VDAC2: variants seen among roughly 807,000 people sequenced by gnomAD.
VDAC2 encodes the protein voltage dependent anion channel 2.
VDAC2 carries 6 observed loss-of-function variants against 36.6 expected under a neutral mutation model. The observed-to-expected ratio is 0.16, with a 90% CI of 0.09 to 0.32. The LOEUF (loss-of-function observed/expected upper bound fraction) is 0.32. VDAC2 is among the 10% of genes least tolerant of loss of function. VDAC2 has a pLI of 1.00. For synonymous variants in VDAC2, 109 were observed against 123.8 expected (o/e 0.88, Z 0.79); for missense variants, 247 against 346.0 (o/e 0.71, Z 2.27).
In VDAC2 at chr10:75,212,050, TC is replaced by T. The variant is rs545484977; in HGVS notation, c.32-179del. Among the ~76,000 whole-genome samples the T allele has an allele frequency of 2.0e-4, 30 of 152,354 alleles. 1 individual carries two copies. The East Asian group carries it at 5.8e-3, about 29-fold the overall frequency. ...CATGGTTATCTGTTTTAGAAATAAT[TC>T]GTTGGTGGTATCTCCTTTATGGGTC... is the stretch of plus-strand genomic sequence containing the variant. On this transcript the variant is annotated intron_variant, in intron 2 of 9. Coordinates refer to ENST00000332211, the MANE Select transcript of VDAC2 (RefSeq NM_001391963.1).
At chr10:75,228,864 T>A (rs891952920) in intron 8 of VDAC2, among the ~76,000 whole-genome samples, 2 of 152,212 alleles carry the variant, frequency 1.3e-5, no homozygotes, top group African/African-American at 4.8e-5. Flanking sequence ...TGGTGTGTCT[T>A]CATAATGTTA....
intron 6 of VDAC2, among the ~76,000 whole-genome samples, chr10:75,219,932 A>G (rs1841753875): frequency 6.8e-6 from 1 of 147,808 alleles, no homozygotes; most frequent in African/African-American, 2.5e-5. Context: ...GGTTTAAGTG[A>G]TTCTCCTGCC....
chr10:75,222,732 GCT>G (rs1841850830), intron 8 of VDAC2, among the ~76,000 whole-genome samples: 2 of 151,468 alleles, frequency 1.3e-5, no homozygotes, highest in African/African-American at 4.9e-5. Context: ...CTTTTTTAAG[GCT>G]CTCTGTTGTC....
chr10:75,231,142 C>G lies in VDAC2; in HGVS notation c.*153C>G. The G allele has an allele frequency of 3.2e-6, 2 of 618,324 alleles. No individual in the cohort carries two copies. The highest frequency in any genetic ancestry group is 3.0e-5 in the East Asian group (1 of 33,674). The allele number at this position is 618,324 out of a possible 1,614,324, so 38.3% of individuals were successfully genotyped here. On this transcript the variant is annotated 3_prime_UTR_variant, in exon 10 of 10. Transcript: ENST00000332211. ...CTGTATTTTAAGTATTTAGACAGTT[C>G]TTTGTTAGCTGGTTTCTAGTTGGTT... is the stretch of plus-strand genomic sequence containing the variant.
intron 2 of VDAC2, chr10:75,211,661 T>A (rs1841427621): frequency 6.4e-7 from 1 of 1,550,466 alleles, no homozygotes; most frequent in Admixed American, 2.0e-5. Flanking sequence ...GTCACATTAG[T>A]AAGTTTGAAG....
Position 75,212,235 on chromosome 10 carries a change from T to G in VDAC2, c.37T>G (p.Cys13Gly). 6.2e-7 allele frequency: 1 copy of G among 1,613,714 alleles called. No homozygotes were observed. Among genetic ancestry groups the G allele is most frequent in the East Asian group, 2.2e-5 (1 of 44,876 alleles). ...THGQTCARPMCIPPSYADLGK... is the reference protein window; with the variant it reads ...THGQTCARPMGIPPSYADLGK... ...GAATGTTTTTTTTCTACCAGCAATG[T>G]GTATTCCTCCATCATATGCTGACCT... The change falls in exon 3 of 10, where the codon TGT becomes GGT. Residue 13 changes from cysteine to glycine, a missense_variant. Transcript: ENST00000332211.
intron 8 of VDAC2, among the ~76,000 whole-genome samples, chr10:75,226,559 T>C (rs570222190): frequency 6.7e-6 from 1 of 150,248 alleles, no homozygotes; most frequent in African/African-American, 2.5e-5. Context: ...GCCTCTCGGG[T>C]TCAAGCAGTT....
chr10:75,212,806 C>T (rs1303716274), intron 3 of VDAC2, among the ~76,000 whole-genome samples: 1 of 152,120 alleles, frequency 6.6e-6, no homozygotes, highest in African/African-American at 2.4e-5. Context: ...TTTTTAAAAA[C>T]TGTACTTAGA....
intron 9 of VDAC2, among the ~76,000 whole-genome samples, chr10:75,230,340 T>A (rs1842067072): frequency 6.6e-6 from 1 of 152,202 alleles, no homozygotes; most frequent in African/African-American, 2.4e-5. Context: ...TTATTAACAA[T>A]TATTAACATT....
intron 3 of VDAC2, 105 bp from the exon 4 acceptor site, chr10:75,213,914 CCT>C (rs1226684111): frequency 2.7e-6 from 3 of 1,092,426 alleles, no homozygotes; most frequent in Non-Finnish European, 2.7e-6. Flanking sequence ...TTTTTATCCA[CCT>C]CTGAATATGT....
At chr10:75,230,704 C>T (rs1205709462) in intron 9 of VDAC2, among the ~76,000 whole-genome samples, 194 bp from the exon 10 acceptor site, 1 of 152,214 alleles carries the variant, frequency 6.6e-6, no homozygotes, top group Non-Finnish European at 1.5e-5. Context: ...GGTGCCTTAG[C>T]TAGAATGGTA....
chr10:75,216,893 A>T (rs1480877569), intron 4 of VDAC2, among the ~76,000 whole-genome samples: 1 of 152,210 alleles, frequency 6.6e-6, no homozygotes, highest in East Asian at 1.9e-4. Context: ...ACAAACTTTC[A>T]CAGTGTCAGT....
chr10:75,220,263 G>C (rs528507983), intron 6 of VDAC2, among the ~76,000 whole-genome samples: 23 of 152,138 alleles, frequency 1.5e-4, no homozygotes, highest in African/African-American at 5.5e-4. Flanking sequence ...ATGCCACCGT[G>C]CCTGGCTAAA....
rs1841386038 is a variant in VDAC2, at chr10:75,210,834, C to A, written c.-130C>A. On this transcript the variant is annotated 5_prime_UTR_variant, in exon 1 of 10. Coordinates refer to ENST00000332211, the MANE Select transcript of VDAC2 (RefSeq NM_001391963.1). ...GCGGCGGGCGGAACGGTGTCTCCTT[C>A]ACTTCGCCCTCCAGCTGCTGGAGCT... 3.4e-6 allele frequency: 1 copy of A among 292,536 alleles called. No individual in the cohort carries two copies. The highest frequency in any genetic ancestry group is 6.0e-5 in the East Asian group (1 of 16,778). The allele number at this position is 292,536 out of a possible 1,614,324, so 18.1% of individuals were successfully genotyped here.
intron 8 of VDAC2, among the ~76,000 whole-genome samples, chr10:75,225,535 C>T (rs1331242956): frequency 1.3e-5 from 2 of 152,080 alleles, no homozygotes; most frequent in Admixed American, 6.5e-5. Flanking sequence ...TTCTTTGTAT[C>T]ACAGATTCCA....
At chr10:75,214,094 T>A (rs1161419334) in intron 4 of VDAC2, 24 bp downstream of exon 4, 1 of 1,609,218 alleles carries the variant, frequency 6.2e-7, no homozygotes, top group Non-Finnish European at 8.5e-7. Context: ...TTGAATAAGT[T>A]CTATTGAACC....
intron 8 of VDAC2, among the ~76,000 whole-genome samples, chr10:75,222,674 C>G (rs1841849033): frequency 6.6e-6 from 1 of 152,132 alleles, no homozygotes; most frequent in African/African-American, 2.4e-5. Flanking sequence ...CCAGGTATAG[C>G]TGGTGTTTGG....
chr10:75,214,440 C>T (rs1264891684), intron 4 of VDAC2, among the ~76,000 whole-genome samples: 1 of 152,130 alleles, frequency 6.6e-6, no homozygotes, highest in Non-Finnish European at 1.5e-5. Flanking sequence ...TTTGAGTGTA[C>T]TAATCATTTA....
At chr10:75,211,697 G>A in intron 2 of VDAC2, 1 of 1,548,946 alleles carries the variant, frequency 6.5e-7, no homozygotes, top group Non-Finnish European at 8.7e-7. Flanking sequence ...AGTTGATGTA[G>A]ACATTTGAGT....
Sources: gnomAD v4.1 joint callset for allele counts (sites outside exome capture counted in the v4.1 genomes callset) on GRCh38, gnomAD v4.1.1 for gene constraint, MANE v1.5 for transcripts, NCBI Gene and HGNC (gene_info 2026-07-23, HGNC 2026-07-21) for gene names.